KCNG3: variants seen among roughly 807,000 people sequenced by gnomAD.
KCNG3 encodes potassium voltage-gated channel modifier subfamily G member 3, also known as voltage-gated potassium channel regulatory subunit KCNG3.
KCNG3 carries 15 observed loss-of-function variants against 29.0 expected under a neutral mutation model. The ratio of observed to expected loss-of-function variants is 0.52; its 90% CI spans 0.35 to 0.80. The LOEUF (loss-of-function observed/expected upper bound fraction) is 0.80. Ranked by LOEUF, KCNG3 falls within the 30% of genes least tolerant of loss-of-function variation. The pLI is 0.01. For missense variants in KCNG3, 512 were observed against 605.7 expected, an observed-to-expected ratio of 0.85 and a Z score of 1.62; for synonymous variants, 322 against 248.9, an observed-to-expected ratio of 1.29 and a Z score of -2.76.
intron 1 of KCNG3, among the ~76,000 whole-genome samples, chr2:42,490,881 G>A (rs1673854795): frequency 1.3e-5 from 2 of 152,112 alleles, no homozygotes; most frequent in African/African-American, 4.8e-5. Flanking sequence ...CAGGTTAAGG[G>A]CCCTCTCTGT....
In KCNG3 at chr2:42,446,496, G is replaced by A. The variant is rs186727350; in HGVS notation, c.666-1917C>T. On this transcript the variant is annotated intron_variant, in intron 1 of 1. Transcript: ENST00000306078. ...GCCCAGCCCAAAATTTTTAACATTC[G>A]AAATTAAAATTTATAATTATTATAC... is the stretch of plus-strand genomic sequence containing the variant. Among the ~76,000 whole-genome samples, 284 of 151,958 alleles carry A rather than the reference G, an allele frequency of 1.9e-3. 2 individuals are homozygous for A. The highest frequency in any genetic ancestry group is 6.4e-3 in the African/African-American group (264 of 41,460).
chr2:42,491,804 C>A (rs948384538), intron 1 of KCNG3, among the ~76,000 whole-genome samples: 2 of 152,156 alleles, frequency 1.3e-5, no homozygotes, highest in Non-Finnish European at 2.9e-5. Context: ...GCCGCCGTTC[C>A]GAACATGTAC....
chr2:42,449,371 CACT>C (rs1410129543), intron 1 of KCNG3, among the ~76,000 whole-genome samples: 2 of 151,988 alleles, frequency 1.3e-5, no homozygotes, highest in Middle Eastern at 3.4e-3. Flanking sequence ...CAGCCATGCT[CACT>C]CATTTACACA....
intron 1 of KCNG3, among the ~76,000 whole-genome samples, chr2:42,473,412 C>T (rs1306801360): frequency 4.0e-5 from 6 of 151,298 alleles, no homozygotes; most frequent in Admixed American, 2.0e-4. Context: ...TTCAGTGGCC[C>T]GATCTCAGCT....
intron 1 of KCNG3, among the ~76,000 whole-genome samples, chr2:42,488,479 A>C (rs1330852227): frequency 6.6e-6 from 1 of 151,780 alleles, no homozygotes; most frequent in East Asian, 1.9e-4. Flanking sequence ...GGCTCAGGTG[A>C]TCCTCCCACC....
the KCNG3 span, among the ~76,000 whole-genome samples, chr2:42,412,345 C>T: frequency 6.6e-6 from 1 of 152,174 alleles, no homozygotes; most frequent in African/African-American, 2.4e-5. Context: ...AGCTAATTCC[C>T]CATCTTCTTT....
At position 42,472,899 on chromosome 2, in the gene KCNG3, A is replaced by AT. The variant is rs1249118891; in HGVS notation, c.665+19937dup. On this transcript the variant is annotated intron_variant, in intron 1 of 1. Coordinates refer to ENST00000306078, the MANE Select transcript of KCNG3 (RefSeq NM_133329.6). Reference sequence around the variant, plus strand: ...TATAGATCTATCGATAGATATATATATATATTTTTTTTTTTTTTTTGAAAC... The same window carrying AT: ...TATAGATCTATCGATAGATATATATATTATATTTTTTTTTTTTTTTTGAAAC... Among the ~76,000 whole-genome samples, 22 of 96,314 alleles carry AT rather than the reference A, an allele frequency of 2.3e-4. No homozygotes were observed. The East Asian group carries it at 3.0e-3, about 13-fold the overall frequency. 63.2% of individuals were successfully genotyped at this position (96,314 alleles called of 152,430 possible).
the KCNG3 span, among the ~76,000 whole-genome samples, chr2:42,394,805 G>A: frequency 6.6e-6 from 1 of 152,098 alleles, no homozygotes; most frequent in Admixed American, 6.5e-5. Flanking sequence ...ATGTTGTCAC[G>A]ACCTCCTGTC....
chr2:42,487,256 T>C (rs1572867200), intron 1 of KCNG3, among the ~76,000 whole-genome samples: 1 of 151,762 alleles, frequency 6.6e-6, no homozygotes, highest in Non-Finnish European at 1.5e-5. Context: ...TTTTAGGCAA[T>C]TGTAGTTGTC....
At chr2:42,428,613 A>C in the KCNG3 span, among the ~76,000 whole-genome samples, 3 of 152,192 alleles carry the variant, frequency 2.0e-5, no homozygotes, top group Admixed American at 1.3e-4. Context: ...TCTAATGGGA[A>C]GTTTGGTAGG....
chr2:42,452,597 T>C (rs1191580087), intron 1 of KCNG3, among the ~76,000 whole-genome samples: 1 of 152,090 alleles, frequency 6.6e-6, no homozygotes, highest in Non-Finnish European at 1.5e-5. Context: ...AATTTTTAGC[T>C]CCCACAAATA....
At chr2:42,474,477 A>G (rs1474903214) in intron 1 of KCNG3, among the ~76,000 whole-genome samples, 1 of 152,162 alleles carries the variant, frequency 6.6e-6, no homozygotes, top group African/African-American at 2.4e-5. Flanking sequence ...GCAGTGAGCC[A>G]AGATGGCACT....
At chr2:42,419,699 A>C in the KCNG3 span, among the ~76,000 whole-genome samples, 1 of 152,240 alleles carries the variant, frequency 6.6e-6, no homozygotes, top group Admixed American at 6.5e-5. Flanking sequence ...TTCTGATTAA[A>C]AGTAAGATCA....
intron 1 of KCNG3, among the ~76,000 whole-genome samples, chr2:42,486,830 A>G (rs1673737169): frequency 6.6e-6 from 1 of 152,162 alleles, no homozygotes; most frequent in East Asian, 1.9e-4. Flanking sequence ...GCCTGGCACA[A>G]TCACAGGAGC....
At chr2:42,438,946 T>C (rs1402592311), downstream of KCNG3, among the ~76,000 whole-genome samples, 3 of 152,162 alleles carry the variant, frequency 2.0e-5, no homozygotes, top group African/African-American at 7.2e-5. Context: ...CAGAAGTAAA[T>C]GGATGCAACC....
rs56391453 is a variant in KCNG3, at chr2:42,490,668, C to T, written c.665+2169G>A. ...CAGTGCCTTGAACATAACAGATATT[C>T]AAAAGATGTTTGCAAACTATGATGG... On this transcript the variant is annotated intron_variant, in intron 1 of 1. Coordinates refer to ENST00000306078, the MANE Select transcript of KCNG3 (RefSeq NM_133329.6). Among the ~76,000 whole-genome samples the T allele has an allele frequency of 3.3e-5, 5 of 152,246 alleles. No individual in the cohort carries two copies. The South Asian group carries it at 1.0e-3, about 32-fold the overall frequency.
chr2:42,471,236 G>C (rs981105766), intron 1 of KCNG3, among the ~76,000 whole-genome samples: 1 of 151,516 alleles, frequency 6.6e-6, no homozygotes, highest in African/African-American at 2.4e-5. Flanking sequence ...GTTTATAGCA[G>C]TCATAATAAT....
chr2:42,394,472 C>A, the KCNG3 span, among the ~76,000 whole-genome samples: 1 of 152,184 alleles, frequency 6.6e-6, no homozygotes, highest in African/African-American at 2.4e-5. Context: ...AGACCCTTGT[C>A]ACACCTACAC....
intron 1 of KCNG3, among the ~76,000 whole-genome samples, chr2:42,457,660 C>CACAG (rs1242747638): frequency 7.3e-5 from 11 of 150,826 alleles, no homozygotes; most frequent in Non-Finnish European, 1.6e-4. Flanking sequence ...CACACACACA[C>CACAG]ACACACACAA....
Sources: gnomAD v4.1 joint callset for allele counts (sites outside exome capture counted in the v4.1 genomes callset) on GRCh38, gnomAD v4.1.1 for gene constraint, MANE v1.5 for transcripts, NCBI Gene and HGNC (gene_info 2026-07-23, HGNC 2026-07-21) for gene names.